ZNF331: variants seen among roughly 807,000 people sequenced by gnomAD.
ZNF331 encodes zinc finger protein 331.
Under a neutral mutation model 7.0 loss-of-function variants are expected in ZNF331, and 2 were observed. That is an observed-to-expected ratio of 0.29 (90% CI 0.12 to 0.90). The LOEUF (loss-of-function observed/expected upper bound fraction) is 0.90. Among genes scored for constraint, ZNF331 ranks in the 40% least tolerant of loss-of-function variants. The pLI is 0.58. For missense variants in ZNF331, 432 were observed against 587.7 expected, an observed-to-expected ratio of 0.74 and a Z score of 2.74; for synonymous variants, 196 against 205.4, an observed-to-expected ratio of 0.95 and a Z score of 0.39.
chr19:53,549,330 C>T (rs80183220), intron 2 of ZNF331, among the ~76,000 whole-genome samples: 3,086 of 152,104 alleles, frequency 0.02, 57 homozygotes, highest in South Asian at 0.041. Context: ...GGTCCGTTGC[C>T]CCATGAGCAC....
chr19:53,504,031 A>T, the ZNF331 span: 1 of 476,296 alleles, frequency 2.1e-6, no homozygotes, highest in East Asian at 4.2e-5. Flanking sequence ...GGTCCAGCAC[A>T]TTCATAGGAC....
chr19:53,556,786 T>C (rs1168187817), intron 3 of ZNF331, among the ~76,000 whole-genome samples: 3 of 151,760 alleles, frequency 2.0e-5, no homozygotes, highest in Admixed American at 1.3e-4. Context: ...TACTGGTGTG[T>C]GCCACCACAT....
intron 2 of ZNF331, among the ~76,000 whole-genome samples, chr19:53,529,729 C>T (rs1391655943): frequency 1.3e-5 from 2 of 152,126 alleles, no homozygotes; most frequent in Non-Finnish European, 2.9e-5. Context: ...CTGCAGTACG[C>T]CAAACTCTGT....
chr19:53,507,675 C>T, the ZNF331 span, among the ~76,000 whole-genome samples: 1 of 152,116 alleles, frequency 6.6e-6, no homozygotes, highest in Admixed American at 6.6e-5. Context: ...CCACGTGGAA[C>T]CTGCAGCAGG....
At chr19:53,559,420 C>A (rs571317326) in intron 3 of ZNF331, among the ~76,000 whole-genome samples, 1 of 149,556 alleles carries the variant, frequency 6.7e-6, no homozygotes, top group East Asian at 2.0e-4. Context: ...ACATACACAT[C>A]GTACACACAC....
At chr19:53,513,447 G>T in the ZNF331 span, among the ~76,000 whole-genome samples, 1,487 of 132,304 alleles carry the variant, frequency 0.011, no homozygotes, top group African/African-American at 0.02. Context: ...ATGTTTTTTA[G>T]AATTTTTAAA....
intron 2 of ZNF331, among the ~76,000 whole-genome samples, chr19:53,530,021 A>G (rs1207755026): frequency 2.6e-5 from 4 of 152,148 alleles, no homozygotes; most frequent in Admixed American, 2.6e-4. Context: ...TGAAGGCTGA[A>G]AAGGAAGCAT....
rs2090766877 is a variant in ZNF331 at position 53,577,321 on chromosome 19, G to A, written c.761G>A (p.Arg254His). 5 of 1,613,962 alleles carry A rather than the reference G, an allele frequency of 3.1e-6. No individual in the cohort carries two copies. The highest frequency in any genetic ancestry group is 1.1e-5 in the South Asian group (1 of 91,076). ...ECKDCGKTFS[R>H]VYKLIQHKRI... ...AAAGACTGTGGGAAGACCTTTAGCC[G>A]TGTGTATAAACTTATTCAGCACAAG... Residue 254 changes from arginine (R) to histidine (H), a missense_variant, in exon 6 of 6, where the codon CGT becomes CAT. Arg to His is a conservative substitution (Grantham distance 29). This residue lies in a region of ZNF331 where 312 missense variants were observed against 448.6 expected (regional missense o/e 0.70). Transcript: ENST00000449416.
At chr19:53,555,337 ACGCAGG>A (rs1342125360) in intron 2 of ZNF331, 40 of 145,508 alleles carry the variant, frequency 2.7e-4, no homozygotes, top group African/African-American at 8.6e-4. Context: ...CTTCTGGGTG[ACGCAGG>A]TGTGTGTGAC....
rs114124211 is a variant in ZNF331 at position 53,545,465 on chromosome 19, C to T, written c.-138+6183C>T. On this transcript the variant is annotated intron_variant, in intron 2 of 5. Transcript: ENST00000449416. ...GAATTCCAGGTGACGCCCCAGAGGGCCTAGGAGAGGATACCCTTCTGAGAA... is the reference window on the plus strand; with the variant it reads ...GAATTCCAGGTGACGCCCCAGAGGGTCTAGGAGAGGATACCCTTCTGAGAA... 1.4e-3 allele frequency among the ~76,000 whole-genome samples: 219 copies of T among 152,334 alleles called. 1 individual carries two copies. The highest frequency in any genetic ancestry group is 5.1e-3 in the African/African-American group (211 of 41,578).
In ZNF331 at chr19:53,578,158, TG is replaced by T. The variant is rs978060168; in HGVS notation, c.*208del. On this transcript the variant is annotated 3_prime_UTR_variant, in exon 6 of 6. Coordinates refer to ENST00000449416, the MANE Select transcript of ZNF331 (RefSeq NM_001079906.2). ...CCGGCCGGGGATGTGAGTCATCCCT[TG>T]GTCCAGCACATCCACGCTGTATACG... 10 of 632,592 alleles carry T rather than the reference TG, an allele frequency of 1.6e-5. No homozygotes were observed. Among genetic ancestry groups the T allele is most frequent in the Non-Finnish European group, 2.6e-5 (10 of 381,252 alleles). The allele number at this position is 632,592 out of a possible 1,614,324, so 39.2% of individuals were successfully genotyped here. A position where few individuals can be genotyped will look rare whatever the true frequency, so the allele number is the denominator to read the frequency against.
intron 1 of ZNF331, among the ~76,000 whole-genome samples, chr19:53,522,274 A>C: frequency 7.9e-6 from 1 of 126,744 alleles, no homozygotes; most frequent in Non-Finnish European, 1.8e-5. Flanking sequence ...TTTTTTTGAG[A>C]CAGAGTCTTG....
At chr19:53,525,970 G>T (rs2087278737) in intron 2 of ZNF331, among the ~76,000 whole-genome samples, 1 of 152,172 alleles carries the variant, frequency 6.6e-6, no homozygotes, top group South Asian at 2.1e-4. Flanking sequence ...AATCTGTTGA[G>T]AGTTTTTGTT....
chr19:53,544,155 A>G (rs1285535124), intron 2 of ZNF331, among the ~76,000 whole-genome samples: 5 of 149,462 alleles, frequency 3.3e-5, no homozygotes, highest in African/African-American at 1.2e-4. Flanking sequence ...TGAACCCGGG[A>G]GGCGGAGGTT....
intron 2 of ZNF331, among the ~76,000 whole-genome samples, chr19:53,528,930 G>A (rs1455048260): frequency 6.7e-6 from 1 of 150,294 alleles, no homozygotes; most frequent in East Asian, 2.0e-4. Flanking sequence ...GACTACAGCT[G>A]CCTGTCCCCA....
chr19:53,509,408 G>A, the ZNF331 span, among the ~76,000 whole-genome samples: 2 of 151,550 alleles, frequency 1.3e-5, no homozygotes, highest in African/African-American at 4.9e-5. Flanking sequence ...TGTCGGTGCA[G>A]AGATACCCTG....
chr19:53,534,040 T>G (rs1344155246), upstream of ZNF331, among the ~76,000 whole-genome samples: 1 of 152,216 alleles, frequency 6.6e-6, no homozygotes, highest in Non-Finnish European at 1.5e-5. Context: ...TGGTGGCTCA[T>G]GCCTGTAATA....
chr19:53,542,171 A>G (rs1194438168), intron 2 of ZNF331, among the ~76,000 whole-genome samples: 2 of 152,236 alleles, frequency 1.3e-5, no homozygotes, highest in Non-Finnish European at 2.9e-5. Flanking sequence ...CAACCCAGCC[A>G]TGAGTCGCAT....
Position 53,558,413 on chromosome 19 carries a change from C to T in ZNF331, c.-74+2505C>T, listed in dbSNP as rs2089569615. Among the ~76,000 whole-genome samples the T allele has an allele frequency of 6.6e-6, 1 of 152,094 alleles. No individual in the cohort carries two copies. Among genetic ancestry groups the T allele is most frequent in the Non-Finnish European group, 1.5e-5 (1 of 68,016 alleles). ...TAGCAGCCACCTCCTGTTCAGCTGTCCAGAAGCTCTCCTCACCCTGTCTTC... is the reference window on the plus strand; with the variant it reads ...TAGCAGCCACCTCCTGTTCAGCTGTTCAGAAGCTCTCCTCACCCTGTCTTC... On this transcript the variant is annotated intron_variant, in intron 3 of 5. Coordinates refer to ENST00000449416, the MANE Select transcript of ZNF331 (RefSeq NM_001079906.2). The surrounding 1 kb of genome is among the most constrained non-coding windows in gnomAD (Gnocchi z 4.5).
Sources: allele counts gnomAD v4.1 joint callset (sites outside exome capture counted in the v4.1 genomes callset), GRCh38; gene constraint gnomAD v4.1.1; regional missense constraint gnomAD v4.1.1; non-coding constraint Gnocchi (gnomAD v3.1); transcripts MANE v1.5; gene names NCBI Gene and HGNC (gene_info 2026-07-23, HGNC 2026-07-21).